Variants in GALNTL6 observed in about 807,000 individuals in gnomAD.
GALNTL6 encodes polypeptide N-acetylgalactosaminyltransferase-like 6.
In GALNTL6, 46 loss-of-function variants were observed where a neutral mutation model predicts 73.7. The ratio of observed to expected loss-of-function variants is 0.62; its 90% CI spans 0.49 to 0.80. GALNTL6 has a LOEUF of 0.80. Ranked by LOEUF, GALNTL6 falls within the 30% of genes least tolerant of loss-of-function variation. GALNTL6 has a pLI of 0.00. For synonymous variants in GALNTL6, 259 were observed against 263.7 expected, an observed-to-expected ratio of 0.98 and a Z score of 0.17; for missense variants, 604 against 755.0, an observed-to-expected ratio of 0.80 and a Z score of 2.34.
chr4:171,964,577 C>T (rs1560861895), intron 2 of GALNTL6, among the ~76,000 whole-genome samples: 1 of 152,090 alleles, frequency 6.6e-6, no homozygotes, highest in Admixed American at 6.6e-5. Context: ...CCCGAACATA[C>T]CCCATTTTCA....
chr4:172,300,997 G>C (rs766319704), intron 3 of GALNTL6, among the ~76,000 whole-genome samples: 1 of 152,156 alleles, frequency 6.6e-6, no homozygotes, highest in Non-Finnish European at 1.5e-5. Context: ...GTCATTTTCA[G>C]GTTCACCAAT....
chr4:171,850,384 T>A (rs1456157632), intron 2 of GALNTL6, among the ~76,000 whole-genome samples: 2 of 152,198 alleles, frequency 1.3e-5, no homozygotes, highest in East Asian at 1.9e-4. Flanking sequence ...GAGGAGAAAG[T>A]TACTGAAATC....
At chr4:172,780,512 T>A (rs950932413) in intron 5 of GALNTL6, among the ~76,000 whole-genome samples, 1 of 152,228 alleles carries the variant, frequency 6.6e-6, no homozygotes, top group African/African-American at 2.4e-5. Context: ...ACCAGTTAAT[T>A]CAGTCAAAAA....
intron 7 of GALNTL6, among the ~76,000 whole-genome samples, chr4:172,852,241 C>T (rs1195848168): frequency 6.6e-6 from 1 of 152,146 alleles, no homozygotes; most frequent in Non-Finnish European, 1.5e-5. Flanking sequence ...CTGAGTGTTT[C>T]AGGGGCAGCC....
At chr4:172,082,869 G>A (rs1297630254) in intron 2 of GALNTL6, among the ~76,000 whole-genome samples, 1 of 152,076 alleles carries the variant, frequency 6.6e-6, no homozygotes, top group African/African-American at 2.4e-5. Context: ...TATTGGAAGT[G>A]GAGGGAGAGG....
In GALNTL6 at chr4:172,863,318, A is replaced by G. The variant is rs193037868; in HGVS notation, c.924-19472A>G. ...GGTAGATCCACTCACAGCTTCCACC[A>G]TGGGCCTGGAGAAGCCACAGGCACT... On this transcript the variant is annotated intron_variant, in intron 7 of 12. Transcript: ENST00000506823. 2.0e-4 allele frequency among the ~76,000 whole-genome samples: 30 copies of G among 152,260 alleles called. 1 individual carries two copies. In the East Asian group the frequency reaches 5.6e-3, roughly 29 times the overall value.
At chr4:171,839,096 C>T (rs548919161) in intron 2 of GALNTL6, among the ~76,000 whole-genome samples, 8 of 151,584 alleles carry the variant, frequency 5.3e-5, no homozygotes, top group Non-Finnish European at 8.8e-5. Context: ...GTTCAGATAA[C>T]ATAGGTTATA....
intron 9 of GALNTL6, among the ~76,000 whole-genome samples, chr4:172,951,044 T>C (rs2653842): frequency 0.017 from 2,610 of 152,340 alleles, 81 homozygotes; most frequent in African/African-American, 0.06. Flanking sequence ...TCTCAGCTAA[T>C]GCCTTTCCTA....
At chr4:172,779,824 TTGC>T (rs1278775560) in intron 5 of GALNTL6, among the ~76,000 whole-genome samples, 2 of 152,244 alleles carry the variant, frequency 1.3e-5, no homozygotes, top group African/African-American at 4.8e-5. Context: ...GTAAAATAGT[TTGC>T]TGCTGTGATA....
intron 12 of GALNTL6, among the ~76,000 whole-genome samples, chr4:173,035,308 A>G (rs1753647509): frequency 6.6e-6 from 1 of 151,788 alleles, no homozygotes; most frequent in African/African-American, 2.4e-5. Context: ...CCTCCCGAGT[A>G]GTTGGGATTA....
At chr4:172,639,497 G>A (rs1739862276) in intron 5 of GALNTL6, among the ~76,000 whole-genome samples, 1 of 152,010 alleles carries the variant, frequency 6.6e-6, no homozygotes, top group South Asian at 2.1e-4. Flanking sequence ...GAGATTTGCT[G>A]ATTAAAAAAT....
At chr4:172,915,171 G>T (rs1187102703) in intron 8 of GALNTL6, among the ~76,000 whole-genome samples, 1 of 152,140 alleles carries the variant, frequency 6.6e-6, no homozygotes, top group Non-Finnish European at 1.5e-5. Context: ...ATGAAATGAA[G>T]GCAGAAATAA....
At chr4:172,159,602 TTCCC>T in intron 2 of GALNTL6, among the ~76,000 whole-genome samples, 1 of 152,270 alleles carries the variant, frequency 6.6e-6, no homozygotes, top group Non-Finnish European at 1.5e-5. Flanking sequence ...GTTGAAAACT[TTCCC>T]ATATTGAAGG....
chr4:172,233,119 A>G (rs1389486752), intron 3 of GALNTL6, among the ~76,000 whole-genome samples: 1 of 151,588 alleles, frequency 6.6e-6, no homozygotes, highest in Non-Finnish European at 1.5e-5. Flanking sequence ...CTGCAATCCC[A>G]GCACACCGGG....
chr4:172,388,707 C>T (rs767200462), intron 5 of GALNTL6, among the ~76,000 whole-genome samples: 7 of 151,888 alleles, frequency 4.6e-5, no homozygotes, highest in Non-Finnish European at 7.4e-5. Context: ...AAAAAGATGC[C>T]CTTGTCCTAG....
chr4:172,962,833 A>C (rs1426033479), intron 10 of GALNTL6, among the ~76,000 whole-genome samples: 1 of 151,906 alleles, frequency 6.6e-6, no homozygotes, highest in African/African-American at 2.4e-5. Flanking sequence ...AACAGCCTAT[A>C]AACCGCCACT....
In GALNTL6 at chr4:172,719,100, T is replaced by C. The variant is rs757179832; in HGVS notation, c.554-90261T>C. On this transcript the variant is annotated intron_variant, in intron 5 of 12. Coordinates refer to ENST00000506823, the MANE Select transcript of GALNTL6 (RefSeq NM_001034845.3). ...CCCTTGTAGGTTAATTTTTGTGTAA[T>C]TGCTTAATAATGTATACATTTAAGT... 7.2e-5 allele frequency among the ~76,000 whole-genome samples: 11 copies of C among 152,230 alleles called. 1 individual carries two copies. The highest frequency in any genetic ancestry group is 1.2e-4 in the Non-Finnish European group (8 of 68,026).
intron 3 of GALNTL6, among the ~76,000 whole-genome samples, chr4:172,256,668 C>A (rs1007762823): frequency 6.6e-6 from 1 of 151,396 alleles, no homozygotes; most frequent in Non-Finnish European, 1.5e-5. Flanking sequence ...TTTCTCTACC[C>A]AGAATATTTT....
At chr4:171,904,611 A>G (rs879467781) in intron 2 of GALNTL6, among the ~76,000 whole-genome samples, 3 of 152,190 alleles carry the variant, frequency 2.0e-5, no homozygotes, top group Admixed American at 2.0e-4. Flanking sequence ...CTAGCAAGGC[A>G]GGCCAACATT....
Sources: allele counts gnomAD v4.1 joint callset (sites outside exome capture counted in the v4.1 genomes callset), GRCh38; gene constraint gnomAD v4.1.1; transcripts MANE v1.5; gene names NCBI Gene and HGNC (gene_info 2026-07-23, HGNC 2026-07-21).